The following GRID2 variants were observed in gnomAD, a reference collection of about 807,000 sequenced individuals.
GRID2 encodes the protein glutamate receptor ionotropic, delta-2.
A neutral mutation model predicts 114.8 loss-of-function variants in GRID2; 33 were observed. The observed-to-expected ratio is 0.29, with a 90% confidence interval of 0.22 to 0.38. The LOEUF is 0.38. Ranked by LOEUF, GRID2 falls within the 10% of genes least tolerant of loss-of-function variation. The pLI, the probability that GRID2 is intolerant of heterozygous loss-of-function variation, is 1.00. For missense variants in GRID2, 1,184 were observed against 1,257.7 expected, an observed-to-expected ratio of 0.94 and a Z score of 0.89; for synonymous variants, 505 against 449.9, an observed-to-expected ratio of 1.12 and a Z score of -1.55.
At chr4:93,063,009 C>T (rs1192557928) in intron 2 of GRID2, among the ~76,000 whole-genome samples, 2 of 151,768 alleles carry the variant, frequency 1.3e-5, no homozygotes, top group African/African-American at 2.4e-5. Context: ...AGAGAGCAAA[C>T]TTATTTTAGT....
chr4:93,432,624 CA>C (rs1215317001), intron 10 of GRID2, among the ~76,000 whole-genome samples: 18 of 151,976 alleles, frequency 1.2e-4, no homozygotes, highest in Non-Finnish European at 2.5e-4. Context: ...ATAGATGAAG[CA>C]TAGGGGATTT....
intron 13 of GRID2, among the ~76,000 whole-genome samples, chr4:93,612,007 G>T (rs1740981411): frequency 6.6e-6 from 1 of 150,932 alleles, no homozygotes; most frequent in Admixed American, 6.6e-5. Flanking sequence ...TCCTGTATTG[G>T]GTGCATAAAT....
intron 2 of GRID2, among the ~76,000 whole-genome samples, chr4:92,948,341 G>A (rs1751793470): frequency 6.6e-6 from 1 of 151,736 alleles, no homozygotes; most frequent in South Asian, 2.1e-4. Flanking sequence ...GCTTTAGTGG[G>A]TATAATCTAT....
intron 12 of GRID2, among the ~76,000 whole-genome samples, chr4:93,513,589 A>G (rs1267671652): frequency 5.3e-5 from 8 of 152,194 alleles, no homozygotes; most frequent in African/African-American, 1.7e-4. Context: ...ATATTTTAGA[A>G]TATTCCAGAA....
chr4:93,101,219 A>G (rs186087624), intron 3 of GRID2, among the ~76,000 whole-genome samples: 1 of 152,226 alleles, frequency 6.6e-6, no homozygotes, highest in Non-Finnish European at 1.5e-5. Context: ...ATGTAATCAA[A>G]TCAGGGTAGT....
At chr4:93,624,975 T>C (rs1313654425) in intron 13 of GRID2, among the ~76,000 whole-genome samples, 1 of 151,992 alleles carries the variant, frequency 6.6e-6, no homozygotes, top group African/African-American at 2.4e-5. Context: ...CTCATTGCAA[T>C]GCCCACCAGG....
intron 2 of GRID2, among the ~76,000 whole-genome samples, chr4:92,930,729 G>C (rs1304572157): frequency 6.6e-6 from 1 of 150,788 alleles, no homozygotes; most frequent in African/African-American, 2.4e-5. Flanking sequence ...TCTTGCAGAT[G>C]TTTTGGATTA....
At chr4:93,361,479 T>TATTATC (rs1761874128) in intron 8 of GRID2, among the ~76,000 whole-genome samples, 1 of 150,060 alleles carries the variant, frequency 6.7e-6, no homozygotes, top group Non-Finnish European at 1.5e-5. Context: ...TTATTATTAT[T>TATTATC]ATTATTATTA....
chr4:92,322,272 T>A (rs1290721864), intron 1 of GRID2, among the ~76,000 whole-genome samples: 1 of 152,092 alleles, frequency 6.6e-6, no homozygotes, highest in Non-Finnish European at 1.5e-5. Flanking sequence ...ATGGCTAAAA[T>A]GTTTGCTAGG....
At chr4:93,575,287 A>G (rs1394041902) in intron 13 of GRID2, among the ~76,000 whole-genome samples, 2 of 152,126 alleles carry the variant, frequency 1.3e-5, no homozygotes, top group East Asian at 1.9e-4. Context: ...CATTTCTATT[A>G]CTTTGCTATA....
intron 10 of GRID2, among the ~76,000 whole-genome samples, chr4:93,442,166 A>T (rs1295401079): frequency 6.6e-6 from 1 of 152,084 alleles, no homozygotes; most frequent in Non-Finnish European, 1.5e-5. Context: ...TTCTACAATG[A>T]TTGAAAATTT....
At chr4:93,387,389 C>T (rs760821593) in intron 8 of GRID2, among the ~76,000 whole-genome samples, 29 of 152,156 alleles carry the variant, frequency 1.9e-4, no homozygotes, top group South Asian at 4.2e-4. Flanking sequence ...TTGGTCTTTA[C>T]TATACAGAGT....
intron 3 of GRID2, among the ~76,000 whole-genome samples, chr4:93,104,665 C>T (rs1578998141): frequency 1.3e-5 from 2 of 152,128 alleles, no homozygotes; most frequent in Admixed American, 6.6e-5. Context: ...GCATAGTATT[C>T]CGTGGTGTAT....
intron 2 of GRID2, among the ~76,000 whole-genome samples, chr4:92,946,457 T>C (rs1182662714): frequency 6.6e-6 from 1 of 152,122 alleles, no homozygotes; most frequent in African/African-American, 2.4e-5. Context: ...TCTTCTGAAG[T>C]AGCTTATTCA....
chr4:93,620,310 G>C (rs1226706564), intron 13 of GRID2, among the ~76,000 whole-genome samples: 1 of 152,110 alleles, frequency 6.6e-6, no homozygotes, highest in Non-Finnish European at 1.5e-5. Flanking sequence ...AATAAGAAAG[G>C]ATCATCACTT....
chr4:92,438,152 A>C (rs1334469229), intron 1 of GRID2, among the ~76,000 whole-genome samples: 1 of 152,210 alleles, frequency 6.6e-6, no homozygotes, highest in Non-Finnish European at 1.5e-5. Flanking sequence ...AAATAACATA[A>C]AAATGTATGC....
At chr4:92,458,779 G>A (rs1721336284) in intron 1 of GRID2, among the ~76,000 whole-genome samples, 1 of 152,152 alleles carries the variant, frequency 6.6e-6, no homozygotes, top group South Asian at 2.1e-4. Flanking sequence ...GCTGTGTCCA[G>A]TGTTTTGGAA....
At chr4:92,451,877 T>C (rs1720942399) in intron 1 of GRID2, among the ~76,000 whole-genome samples, 1 of 152,020 alleles carries the variant, frequency 6.6e-6, no homozygotes. Context: ...TTTGGGAGGG[T>C]CACAAGATAA....
chr4:92,581,110 G>C (rs1728164125), intron 1 of GRID2, among the ~76,000 whole-genome samples: 1 of 151,046 alleles, frequency 6.6e-6, no homozygotes, highest in African/African-American at 2.4e-5. Context: ...AGTAAGAAGA[G>C]ATGTAAACTA....
Sources: allele counts gnomAD v4.1 joint callset (sites outside exome capture counted in the v4.1 genomes callset), GRCh38; gene constraint gnomAD v4.1.1; transcripts MANE v1.5; gene names NCBI Gene and HGNC (gene_info 2026-07-23, HGNC 2026-07-21).